Variants in STPG2 observed in about 807,000 individuals in gnomAD.
The protein encoded by STPG2 is sperm tail PG-rich repeat containing 2.
Under a neutral mutation model 54.2 loss-of-function variants are expected in STPG2, and 56 were observed. That is an observed-to-expected ratio of 1.03 (90% CI 0.83 to 1.29). The LOEUF is 1.29. Among genes scored for constraint, STPG2 ranks in the 50% most tolerant of loss-of-function variants. The pLI, the probability that STPG2 is intolerant of heterozygous loss-of-function variation, is 0.00. For synonymous variants in STPG2, 200 were observed against 181.8 expected, an observed-to-expected ratio of 1.10 and a Z score of -0.81; for missense variants, 596 against 544.9, an observed-to-expected ratio of 1.09 and a Z score of -0.93.
chr4:97,918,856 G>T (rs1198386432), intron 8 of STPG2, among the ~76,000 whole-genome samples: 1 of 151,988 alleles, frequency 6.6e-6, no homozygotes, highest in Non-Finnish European at 1.5e-5. Flanking sequence ...CTACACACTG[G>T]GTGCAGTGTA....
At chr4:98,032,358 T>A (rs1736623946) in intron 5 of STPG2, among the ~76,000 whole-genome samples, 1 of 152,108 alleles carries the variant, frequency 6.6e-6, no homozygotes, top group African/African-American at 2.4e-5. Context: ...CTCTGGTATA[T>A]ATAAACTTAC....
intron 8 of STPG2, among the ~76,000 whole-genome samples, chr4:97,934,865 C>T (rs2149222274): frequency 6.6e-6 from 1 of 152,200 alleles, no homozygotes; most frequent in African/African-American, 2.4e-5. Flanking sequence ...ATGATGCTGG[C>T]CTCATAAAAT....
intron 10 of STPG2, among the ~76,000 whole-genome samples, chr4:97,563,746 C>G (rs1409127753): frequency 2.6e-5 from 4 of 151,956 alleles, no homozygotes; most frequent in African/African-American, 4.8e-5. Flanking sequence ...TAGTTGAGTG[C>G]TTTTGAGTGA....
At chr4:97,892,120 T>C (rs996166580) in intron 8 of STPG2, among the ~76,000 whole-genome samples, 1 of 152,142 alleles carries the variant, frequency 6.6e-6, no homozygotes, top group Non-Finnish European at 1.5e-5. Context: ...ATAATCTTTG[T>C]GCAATAAAAT....
intron 9 of STPG2, among the ~76,000 whole-genome samples, chr4:97,794,363 A>G (rs1232813399): frequency 6.6e-6 from 1 of 152,150 alleles, no homozygotes; most frequent in African/African-American, 2.4e-5. Flanking sequence ...CTTAAGTTAT[A>G]GAGAACTGTA....
At chr4:97,747,754 T>C (rs565095818) in intron 9 of STPG2, among the ~76,000 whole-genome samples, 2 of 151,512 alleles carry the variant, frequency 1.3e-5, no homozygotes, top group South Asian at 2.1e-4. Context: ...TTTACTGAAA[T>C]AGGAATATAA....
At chr4:97,649,899 T>G (rs72890886) in intron 10 of STPG2, among the ~76,000 whole-genome samples, 6,529 of 152,108 alleles carry the variant, frequency 0.043, 455 homozygotes, top group African/African-American at 0.15. Context: ...TATTAAATTG[T>G]GATATATAAT....
intron 10 of STPG2, among the ~76,000 whole-genome samples, chr4:97,650,064 A>G (rs1411676395): frequency 6.6e-6 from 1 of 152,104 alleles, no homozygotes; most frequent in Non-Finnish European, 1.5e-5. Flanking sequence ...GATCCCTCAC[A>G]TGCACAGTTC....
intron 10 of STPG2, among the ~76,000 whole-genome samples, chr4:97,663,247 T>C (rs1232585768): frequency 6.6e-6 from 1 of 152,158 alleles, no homozygotes; most frequent in African/African-American, 2.4e-5. Flanking sequence ...TAACTGCTAT[T>C]GTTAATATGA....
intron 5 of STPG2, among the ~76,000 whole-genome samples, chr4:98,064,823 G>A (rs1373911726): frequency 6.6e-6 from 1 of 151,538 alleles, no homozygotes; most frequent in Non-Finnish European, 1.5e-5. Context: ...AACACATGAT[G>A]ACCTTATTAG....
chr4:98,021,296 C>G (rs1397276238), intron 5 of STPG2, among the ~76,000 whole-genome samples: 1 of 125,750 alleles, frequency 8.0e-6, no homozygotes, highest in Admixed American at 7.5e-5. Flanking sequence ...CATTCAGGAG[C>G]AGGTTGTTCA....
intron 7 of STPG2, among the ~76,000 whole-genome samples, chr4:97,971,762 C>T (rs577247836): frequency 1.3e-5 from 2 of 151,320 alleles, no homozygotes; most frequent in African/African-American, 2.4e-5. Context: ...CAAACCTGCA[C>T]GTTCTGCACA....
chr4:98,141,301 T>C (rs949922419), intron 1 of STPG2, among the ~76,000 whole-genome samples: 1 of 152,214 alleles, frequency 6.6e-6, no homozygotes, highest in Non-Finnish European at 1.5e-5. Flanking sequence ...CAACACTCTA[T>C]AGAGAATACC....
At position 97,634,062 on chromosome 4, in the gene STPG2, G is replaced by A. The variant is rs111945870; in HGVS notation, c.1321-74945C>T. ...CAGGGCACAGACAAACAAAAAGACC[G>A]CAGTAACCTCTGCAGACTTAAATGT... On this transcript the variant is annotated intron_variant, in intron 10 of 10. Transcript: ENST00000295268. Among the ~76,000 whole-genome samples the A allele has an allele frequency of 7.3e-3, 1,104 of 152,262 alleles. 10 individuals carry two copies. The highest frequency in any genetic ancestry group is 0.027 in the Middle Eastern group (8 of 294).
intron 8 of STPG2, among the ~76,000 whole-genome samples, chr4:97,917,899 T>C (rs1731945124): frequency 1.3e-5 from 2 of 152,158 alleles, no homozygotes; most frequent in African/African-American, 2.4e-5. Flanking sequence ...GGTAGGACAC[T>C]ACTCATAGGA....
At chr4:97,634,140 G>A (rs1721410719) in intron 10 of STPG2, among the ~76,000 whole-genome samples, 1 of 152,182 alleles carries the variant, frequency 6.6e-6, no homozygotes, top group Non-Finnish European at 1.5e-5. Flanking sequence ...CACAGCTGGA[G>A]ATCTGAGAAC....
In STPG2 at chr4:97,619,808, T is replaced by C. The variant is rs181307627; in HGVS notation, c.1321-60691A>G. On this transcript the variant is annotated intron_variant, in intron 10 of 10. Transcript: ENST00000295268. Reference sequence around the variant, plus strand: ...CACATCAGAGTCTTCATCACATTATTATAATTTCTTTTTCTATTTTTTTTT... The same window carrying C: ...CACATCAGAGTCTTCATCACATTATCATAATTTCTTTTTCTATTTTTTTTT... 3.2e-3 allele frequency among the ~76,000 whole-genome samples: 487 copies of C among 150,164 alleles called. 3 individuals are homozygous for C. Among genetic ancestry groups the C allele is most frequent in the African/African-American group, 0.011 (459 of 40,136 alleles).
At position 97,561,769 on chromosome 4, in the gene STPG2, C is replaced by T. The variant is rs892728618; in HGVS notation, c.1321-2652G>A. On this transcript the variant is annotated intron_variant, in intron 10 of 10. Coordinates refer to ENST00000295268, the MANE Select transcript of STPG2 (RefSeq NM_174952.3). ...TAGTTGTAGATATGCAGCGTTATTT[C>T]TGGGGGCTAAGTTCTGTTCCATTGA... is the stretch of plus-strand genomic sequence containing the variant. Among the ~76,000 whole-genome samples the T allele has an allele frequency of 6.6e-5, 10 of 152,240 alleles. No homozygotes were observed. In the East Asian group the frequency reaches 9.6e-4, roughly 15 times the overall value.
At chr4:97,472,029 A>G (rs1224556611) in intron 4 of STPG2, among the ~76,000 whole-genome samples, 3 of 152,214 alleles carry the variant, frequency 2.0e-5, no homozygotes, top group Admixed American at 6.5e-5. Flanking sequence ...ATTGAGTGTG[A>G]ACAGTACTTT....
Sources: allele counts gnomAD v4.1 joint callset (sites outside exome capture counted in the v4.1 genomes callset), GRCh38; gene constraint gnomAD v4.1.1; transcripts MANE v1.5; gene names NCBI Gene and HGNC (gene_info 2026-07-23, HGNC 2026-07-21).